Variants in CABLES1 observed in about 807,000 individuals in gnomAD.
CABLES1 encodes Cdk5 and Abl enzyme substrate 1.
CABLES1 carries 36 observed loss-of-function variants against 57.8 expected under a neutral mutation model. The observed-to-expected ratio is 0.62, with a 90% CI of 0.48 to 0.82. The LOEUF is 0.82. CABLES1 is among the 40% of genes least tolerant of loss of function. The pLI is 0.00. For synonymous variants in CABLES1, 374 were observed against 363.0 expected, an observed-to-expected ratio of 1.03 and a Z score of -0.35; for missense variants, 767 against 836.6, an observed-to-expected ratio of 0.92 and a Z score of 1.03.
At chr18:23,186,409 C>CTTTCT (rs974680936) in intron 1 of CABLES1, among the ~76,000 whole-genome samples, 2 of 151,322 alleles carry the variant, frequency 1.3e-5, no homozygotes, top group African/African-American at 4.9e-5. Flanking sequence ...AAGGAGCTTG[C>CTTTCT]TTTCTTTTCT....
chr18:23,195,060 G>A (rs2047272408), intron 3 of CABLES1, among the ~76,000 whole-genome samples: 1 of 152,228 alleles, frequency 6.6e-6, no homozygotes, highest in Non-Finnish European at 1.5e-5. Flanking sequence ...AACATCTGGA[G>A]TATGTGTTTC....
chr18:23,186,471 G>A (rs2047203616), intron 1 of CABLES1, among the ~76,000 whole-genome samples: 1 of 151,026 alleles, frequency 6.6e-6, no homozygotes, highest in East Asian at 1.9e-4. Flanking sequence ...TGTTGCCCAG[G>A]CTGGAGTGCA....
Position 23,230,216 on chromosome 18 carries a change from C to CA in CABLES1, c.1089-4386dup, listed in dbSNP as rs548166041. Among the ~76,000 whole-genome samples the CA allele has an allele frequency of 5.4e-4, 82 of 152,124 alleles. 1 individual carries two copies. The highest frequency in any genetic ancestry group is 2.0e-3 in the African/African-American group (81 of 41,512). On this transcript the variant is annotated intron_variant, in intron 4 of 9. Coordinates refer to ENST00000256925, the MANE Select transcript of CABLES1 (RefSeq NM_001100619.3). Reference sequence around the variant, plus strand: ...TGAAACCCTGTCTCTACTAAAAATACAAAAAATTAGCCGGGCATGGCGGCA... The same window carrying CA: ...TGAAACCCTGTCTCTACTAAAAATACAAAAAAATTAGCCGGGCATGGCGGCA...
At chr18:23,181,196 C>G (rs897633500) in intron 1 of CABLES1, among the ~76,000 whole-genome samples, 1 of 152,048 alleles carries the variant, frequency 6.6e-6, no homozygotes, top group Non-Finnish European at 1.5e-5. Context: ...TTAAAGAAAG[C>G]GGCCCTAGGC....
At chr18:23,229,289 G>A (rs1568077256) in intron 4 of CABLES1, among the ~76,000 whole-genome samples, 10 of 152,156 alleles carry the variant, frequency 6.6e-5, no homozygotes, top group Admixed American at 3.9e-4. Context: ...GCAGGCGCCT[G>A]TAATCCCAGC....
At chr18:23,235,081 A>G (rs1366539241) in intron 5 of CABLES1, among the ~76,000 whole-genome samples, 1 of 152,158 alleles carries the variant, frequency 6.6e-6, no homozygotes, top group Non-Finnish European at 1.5e-5. Flanking sequence ...GGTCCTGGGA[A>G]GCTAAGAGAC....
chr18:23,220,106 CT>C (rs2047475438), intron 4 of CABLES1, among the ~76,000 whole-genome samples: 1 of 152,178 alleles, frequency 6.6e-6, no homozygotes, highest in Non-Finnish European at 1.5e-5. Context: ...ATCTCTAGAG[CT>C]GCTGCTTGAA....
chr18:23,210,651 G>C (rs1002252413), intron 3 of CABLES1, among the ~76,000 whole-genome samples: 3 of 152,196 alleles, frequency 2.0e-5, no homozygotes, highest in Non-Finnish European at 2.9e-5. Context: ...AGGTTTCCCA[G>C]TGTAAGAAGC....
intron 1 of CABLES1, among the ~76,000 whole-genome samples, chr18:23,147,862 G>A (rs1183543018): frequency 2.0e-5 from 3 of 152,116 alleles, no homozygotes; most frequent in Non-Finnish European, 4.4e-5. Flanking sequence ...AGCCCACGTG[G>A]GGCACATGCT....
At chr18:23,204,070 C>T (rs1019230567) in intron 3 of CABLES1, among the ~76,000 whole-genome samples, 14 of 152,196 alleles carry the variant, frequency 9.2e-5, no homozygotes, top group African/African-American at 3.1e-4. Flanking sequence ...CGGTTCCAGG[C>T]TCTTCCTTCA....
chr18:23,164,890 G>A (rs1023659355), intron 1 of CABLES1, among the ~76,000 whole-genome samples: 27 of 151,996 alleles, frequency 1.8e-4, no homozygotes, highest in African/African-American at 4.8e-4. Context: ...TCCTGCCTCA[G>A]CCTCCTGAGT....
intron 2 of CABLES1, among the ~76,000 whole-genome samples, chr18:23,193,022 CAG>C (rs1247194046): frequency 6.6e-6 from 1 of 152,044 alleles, no homozygotes; most frequent in Non-Finnish European, 1.5e-5. Flanking sequence ...GCCTGGGCGA[CAG>C]AGCAAGGCCT....
intron 1 of CABLES1, among the ~76,000 whole-genome samples, chr18:23,182,448 G>T (rs913133537): frequency 6.6e-6 from 1 of 152,170 alleles, no homozygotes; most frequent in Non-Finnish European, 1.5e-5. Context: ...CCTTTGGCCT[G>T]CACAGAACAC....
chr18:23,182,623 G>A lies in CABLES1; in HGVS notation c.846-6215G>A, dbSNP rs146466788. ...CTGGGGATTCTGATGTGCAGACAGC[G>A]TTGAGAGCATCAATCTACGCTACTT... On this transcript the variant is annotated intron_variant, in intron 1 of 9. Transcript: ENST00000256925. 2.8e-3 allele frequency among the ~76,000 whole-genome samples: 423 copies of A among 152,330 alleles called. 7 individuals are homozygous for A. Among genetic ancestry groups the A allele is most frequent in the Non-Finnish European group, 1.2e-3 (79 of 68,028 alleles).
At chr18:23,222,189 T>C (rs2047492646) in intron 4 of CABLES1, among the ~76,000 whole-genome samples, 1 of 152,096 alleles carries the variant, frequency 6.6e-6, no homozygotes, top group Non-Finnish European at 1.5e-5. Flanking sequence ...CTCTCAGCCC[T>C]AGCAAGCTAC....
intron 1 of CABLES1, among the ~76,000 whole-genome samples, chr18:23,174,163 A>G (rs1007364981): frequency 6.6e-6 from 1 of 152,020 alleles, no homozygotes; most frequent in African/African-American, 2.4e-5. Flanking sequence ...TTCTCTCTCT[A>G]TAGACTTGCC....
chr18:23,171,430 G>A (rs1328120328), intron 1 of CABLES1, among the ~76,000 whole-genome samples: 1 of 152,212 alleles, frequency 6.6e-6, no homozygotes, highest in Non-Finnish European at 1.5e-5. Flanking sequence ...AGTGATGGAG[G>A]ATAAGGAGGG....
chr18:23,139,240 A>C (rs1016875091), intron 1 of CABLES1, among the ~76,000 whole-genome samples: 1 of 151,882 alleles, frequency 6.6e-6, no homozygotes, highest in Non-Finnish European at 1.5e-5. Flanking sequence ...CATCTCTACT[A>C]AAAATACAAA....
intron 4 of CABLES1, among the ~76,000 whole-genome samples, chr18:23,221,414 G>A (rs759582061): frequency 2.5e-4 from 38 of 152,252 alleles, no homozygotes; most frequent in Non-Finnish European, 3.4e-4. Context: ...ACACAGAGGC[G>A]TGGAATAGAG....
Sources: gnomAD v4.1 joint callset for allele counts (sites outside exome capture counted in the v4.1 genomes callset) on GRCh38, gnomAD v4.1.1 for gene constraint, MANE v1.5 for transcripts, NCBI Gene and HGNC (gene_info 2026-07-23, HGNC 2026-07-21) for gene names.